FBXO10: variants seen among roughly 807,000 people sequenced by gnomAD.
The protein encoded by FBXO10 is F-box protein 10, also known as F-box only protein 10.
Under a neutral mutation model 80.7 loss-of-function variants are expected in FBXO10, and 39 were observed. That is an observed-to-expected ratio of 0.48 (90% CI 0.37 to 0.63). FBXO10 has a LOEUF of 0.63. FBXO10 is among the 30% of genes least tolerant of loss of function. The pLI, the probability that FBXO10 is intolerant of heterozygous loss-of-function variation, is 0.00. For synonymous variants in FBXO10, 449 were observed against 489.6 expected (o/e 0.92, Z 1.09); for missense variants, 1,025 against 1,269.0 (o/e 0.81, Z 2.92).
intron 3 of FBXO10, 76 bp downstream of exon 3, chr9:37,537,034 T>C: frequency 3.5e-6 from 4 of 1,133,464 alleles, no homozygotes; most frequent in Non-Finnish European, 5.1e-6. Context: ...ATTTTTAAAA[T>C]GCAAAATAGC....
At chr9:37,530,208 T>C (rs972947202) in intron 4 of FBXO10, among the ~76,000 whole-genome samples, 7 of 152,368 alleles carry the variant, frequency 4.6e-5, no homozygotes, top group African/African-American at 9.6e-5. Context: ...AAGTTAGCTG[T>C]ATCTCTTCCA....
rs559113158 is a variant in FBXO10, at chr9:37,537,477, G to T, written c.1052C>A (p.Pro351Gln). 1.2e-6 allele frequency: 2 copies of T among 1,608,218 alleles called. No homozygotes were observed. Among genetic ancestry groups the T allele is most frequent in the Non-Finnish European group, 1.7e-6 (2 of 1,177,364 alleles). Residue 351 changes from proline to glutamine, a missense_variant, in exon 3 of 11, where the codon CCG becomes CAG. By Grantham distance (76) the Pro-to-Gln change is moderately conservative (BLOSUM62 -1). Around this residue, in one of 3 missense-constraint regions of FBXO10, gnomAD observed 450 missense variants for 499.4 expected, o/e 0.90. Transcript: ENST00000432825. ...ACTCAGGCCTCCATCGCTGCTGTCC[G>T]GGGTCTGGGCCACCCTTTCACCATC... ...GSDGERVAQT[P>Q]DSSDGGLSPS...
In FBXO10 at chr9:37,546,433, A is replaced by AT. The variant is rs1277018904; in HGVS notation, c.-6-4660dup. Among the ~76,000 whole-genome samples, 15 of 152,330 alleles carry AT rather than the reference A, an allele frequency of 9.8e-5. No homozygotes were observed. In the East Asian group the frequency reaches 2.9e-3, roughly 29 times the overall value. On this transcript the variant is annotated intron_variant, in intron 1 of 10. Transcript: ENST00000432825. The stretch of plus-strand genomic sequence containing the variant: ...CATGTACAGGGCAAGACTTCATCAG[A>AT]TGTAGTAGGGATCACCTGCTATGAA...
chr9:37,548,314 G>A (rs1400113818), intron 1 of FBXO10, among the ~76,000 whole-genome samples: 2 of 152,074 alleles, frequency 1.3e-5, no homozygotes, highest in Non-Finnish European at 1.5e-5. Context: ...GAACCCGGGA[G>A]GCGGAGGTTG....
At chr9:37,547,777 A>G (rs1822093831) in intron 1 of FBXO10, among the ~76,000 whole-genome samples, 1 of 152,074 alleles carries the variant, frequency 6.6e-6, no homozygotes, top group Non-Finnish European at 1.5e-5. Flanking sequence ...ACAACATAGC[A>G]AGACCCCGTC....
intron 8 of FBXO10, among the ~76,000 whole-genome samples, chr9:37,519,356 G>A (rs1821269153): frequency 6.6e-6 from 1 of 152,204 alleles, no homozygotes; most frequent in South Asian, 2.1e-4. Flanking sequence ...GGTACATGAG[G>A]AGAAAAACCC....
chr9:37,535,329 A>G (rs1481399877), intron 3 of FBXO10, among the ~76,000 whole-genome samples: 2 of 151,504 alleles, frequency 1.3e-5, no homozygotes, highest in Non-Finnish European at 2.9e-5. Flanking sequence ...GAAGAAAATC[A>G]CAGTCGGTGA....
In FBXO10 at chr9:37,521,619, C is replaced by T. The variant is rs368402191; in HGVS notation, c.2150G>A (p.Arg717Gln). ...CTCAACAAGAGCTATGGTGATGGGC[C>T]GGCGCAGTGGGTCGTCCTCCTTCTC... ...ELEKEDDPLR[R>Q]PITIALVESN... Residue 717 changes from arginine (R) to glutamine (Q), a missense_variant, in exon 8 of 11, where the codon CGG (arginine) becomes CAG (glutamine). By Grantham distance (43) the Arg-to-Gln change is conservative. Transcript: ENST00000432825. 18 of 1,613,712 alleles carry T rather than the reference C, an allele frequency of 1.1e-5. No homozygotes were observed. Among genetic ancestry groups the T allele is most frequent in the South Asian group, 4.4e-5 (4 of 91,046 alleles).
chr9:37,520,974 G>A (rs368710352), intron 8 of FBXO10, among the ~76,000 whole-genome samples: 1 of 152,252 alleles, frequency 6.6e-6, no homozygotes, highest in African/African-American at 2.4e-5. Flanking sequence ...CAGTGGGGAT[G>A]GGGAGGGCCC....
chr9:37,535,562 T>C (rs1477771111), intron 3 of FBXO10, among the ~76,000 whole-genome samples: 1 of 152,110 alleles, frequency 6.6e-6, no homozygotes, highest in African/African-American at 2.4e-5. Context: ...TTCACCGTGT[T>C]GCCCAGGCTG....
At chr9:37,534,814 C>A (rs778086715) in intron 3 of FBXO10, among the ~76,000 whole-genome samples, 1 of 152,062 alleles carries the variant, frequency 6.6e-6, no homozygotes, top group Non-Finnish European at 1.5e-5. Context: ...AGAGAAACAG[C>A]GGGAAAACAC....
rs145611669 is a variant in FBXO10 at position 37,514,561 on chromosome 9, C to A, written c.2696+1343G>T. On this transcript the variant is annotated intron_variant, in intron 10 of 10. Coordinates refer to ENST00000432825, the MANE Select transcript of FBXO10 (RefSeq NM_012166.3). ...GTTATAAATAGGTATACCGGTGAGGCGCGGTGGCTCACACCTGTAATCTCA... is the reference window on the plus strand; with the variant it reads ...GTTATAAATAGGTATACCGGTGAGGAGCGGTGGCTCACACCTGTAATCTCA... Among the ~76,000 whole-genome samples, 12 of 151,976 alleles carry A rather than the reference C, an allele frequency of 7.9e-5. No individual in the cohort carries two copies. The East Asian group carries it at 2.1e-3, about 27-fold the overall frequency.
intron 1 of FBXO10, among the ~76,000 whole-genome samples, chr9:37,545,127 C>A (rs1009646584): frequency 1.3e-5 from 2 of 150,154 alleles, no homozygotes; most frequent in African/African-American, 4.9e-5. Flanking sequence ...TTCTATGACA[C>A]TGATGTTTCC....
chr9:37,570,369 G>C (rs1225501964), intron 1 of FBXO10, among the ~76,000 whole-genome samples: 1 of 151,956 alleles, frequency 6.6e-6, no homozygotes, highest in Non-Finnish European at 1.5e-5. Flanking sequence ...CAAAACTTGT[G>C]AACTCCTGCT....
chr9:37,538,809 A>G (rs745677369), intron 2 of FBXO10, among the ~76,000 whole-genome samples: 1 of 152,128 alleles, frequency 6.6e-6, no homozygotes, highest in African/African-American at 2.4e-5. Flanking sequence ...TGTCTGCAGC[A>G]TGGGGCTCAC....
At chr9:37,563,010 C>T (rs182410629) in intron 1 of FBXO10, among the ~76,000 whole-genome samples, 383 of 152,246 alleles carry the variant, frequency 2.5e-3, no homozygotes, top group Non-Finnish European at 4.4e-3. Context: ...AATTATACTC[C>T]CCATAATCCC....
intron 1 of FBXO10, among the ~76,000 whole-genome samples, chr9:37,553,328 C>T (rs954863283): frequency 1.3e-5 from 2 of 152,178 alleles, no homozygotes; most frequent in African/African-American, 2.4e-5. Flanking sequence ...CGTGAGCCAC[C>T]GCGCCCGGCC....
At chr9:37,565,585 G>C (rs899648447) in intron 1 of FBXO10, among the ~76,000 whole-genome samples, 4 of 152,152 alleles carry the variant, frequency 2.6e-5, no homozygotes, top group African/African-American at 9.7e-5. Flanking sequence ...GATCAGATTT[G>C]GCATTTTAAC....
At chr9:37,572,661 A>G (rs1822788659) in intron 1 of FBXO10, among the ~76,000 whole-genome samples, 1 of 152,222 alleles carries the variant, frequency 6.6e-6, no homozygotes, top group Non-Finnish European at 1.5e-5. Flanking sequence ...AAAGCAAAAA[A>G]ATGATTATCA....
Sources: gnomAD v4.1 joint callset for allele counts (sites outside exome capture counted in the v4.1 genomes callset) on GRCh38, gnomAD v4.1.1 for gene constraint, gnomAD v4.1.1 regional missense constraint, MANE v1.5 for transcripts, NCBI Gene and HGNC (gene_info 2026-07-23, HGNC 2026-07-21) for gene names.